The following F11R variants were observed in gnomAD, a reference collection of about 807,000 sequenced individuals.
F11R encodes the protein F11 receptor, also known as junctional adhesion molecule A.
Under a neutral mutation model 39.3 loss-of-function variants are expected in F11R, and 27 were observed. That is an observed-to-expected ratio of 0.69 (90% CI 0.51 to 0.95). The LOEUF is 0.95. F11R is among the 40% of genes least tolerant of loss of function. F11R has a pLI of 0.00. For missense variants in F11R, 335 were observed against 372.7 expected (o/e 0.90, Z 0.83); for synonymous variants, 131 against 144.9 (o/e 0.90, Z 0.69).
At chr1:161,006,509 C>T (rs1648827047) in intron 1 of F11R, among the ~76,000 whole-genome samples, 1 of 152,214 alleles carries the variant, frequency 6.6e-6, no homozygotes, top group African/African-American at 2.4e-5. Context: ...GTTGAGTCCT[C>T]TCAGATCATC....
intron 1 of F11R, among the ~76,000 whole-genome samples, chr1:161,016,454 G>A (rs1385180901): frequency 4.6e-5 from 7 of 150,956 alleles, no homozygotes; most frequent in Non-Finnish European, 7.4e-5. Context: ...CCAGCCTGGC[G>A]ACAGAGAGAG....
chr1:161,001,846 T>C (rs1648510651), intron 1 of F11R, among the ~76,000 whole-genome samples: 1 of 152,214 alleles, frequency 6.6e-6, no homozygotes. Flanking sequence ...AAAAGTGTTT[T>C]CGTGTACATT....
At chr1:161,016,742 A>T (rs1649485995) in intron 1 of F11R, among the ~76,000 whole-genome samples, 3 of 152,122 alleles carry the variant, frequency 2.0e-5, no homozygotes, top group South Asian at 4.1e-4. Flanking sequence ...AGTTCCAGGT[A>T]GAACTAGGAA....
chr1:161,001,864 G>C (rs533644427), intron 1 of F11R, among the ~76,000 whole-genome samples: 2 of 152,160 alleles, frequency 1.3e-5, no homozygotes, highest in South Asian at 4.1e-4. Context: ...ATTATGACAC[G>C]TTGCATCATT....
chr1:160,999,833 C>G, intron 6 of F11R, 43 bp downstream of exon 6: 1 of 1,609,408 alleles, frequency 6.2e-7, no homozygotes, highest in Non-Finnish European at 8.5e-7. Context: ...AAAAGCAGAC[C>G]CCAATCCCCA....
At position 160,997,610 on chromosome 1, in the gene F11R, A is replaced by C. The variant is rs1013719624; in HGVS notation, c.*1261T>G. The C allele has an allele frequency of 6.5e-6, 1 of 152,812 alleles. No homozygotes were observed. The highest frequency in any genetic ancestry group is 1.5e-5 in the Non-Finnish European group (1 of 68,056). 9.5% of individuals were successfully genotyped at this position (152,812 alleles called of 1,614,324 possible). On this transcript the variant is annotated 3_prime_UTR_variant, in exon 10 of 10. Transcript: ENST00000368026. ...AACCAGCCCCAGGTTGCTGGGAAGC[A>C]AGGCTTTGAGGCATTTTCCTGTTGT...
intron 1 of F11R, among the ~76,000 whole-genome samples, chr1:161,014,309 CGT>C (rs1460494791): frequency 6.6e-6 from 1 of 152,106 alleles, no homozygotes; most frequent in African/African-American, 2.4e-5. Flanking sequence ...GTGGTGGAAA[CGT>C]GTGTTGCCCA....
chr1:161,011,716 C>T (rs1011399184), intron 1 of F11R, among the ~76,000 whole-genome samples: 2 of 142,940 alleles, frequency 1.4e-5, no homozygotes, highest in African/African-American at 2.6e-5. Context: ...GGTGACAGAG[C>T]GAGATTCCAC....
chr1:161,000,465 C>T (rs1648415055), intron 4 of F11R, 117 bp from the exon 5 acceptor site: 5 of 1,399,996 alleles, frequency 3.6e-6, no homozygotes, highest in Admixed American at 3.6e-5. Flanking sequence ...CTCACCATGC[C>T]CCTGGCTGCC....
chr1:160,996,769 A>C lies in F11R; in HGVS notation c.*2102T>G, dbSNP rs532728710. The C allele has an allele frequency of 2.7e-4, 41 of 152,428 alleles. No individual in the cohort carries two copies. The highest frequency in any genetic ancestry group is 8.4e-4 in the African/African-American group (35 of 41,584). The allele number at this position is 152,428 out of a possible 1,614,324, so 9.4% of individuals were successfully genotyped here. A position where few individuals can be genotyped will look rare whatever the true frequency, so the allele number is the denominator to read the frequency against. Reference sequence around the variant, plus strand: ...TGACAGAGCGAGACTCCGTCTTTAAAAAAACAAAACAAAACAAAACAAAAA... The same window carrying C: ...TGACAGAGCGAGACTCCGTCTTTAACAAAACAAAACAAAACAAAACAAAAA... On this transcript the variant is annotated 3_prime_UTR_variant, in exon 10 of 10. Transcript: ENST00000368026.
chr1:161,009,932 ACT>A (rs1467194631), intron 1 of F11R, among the ~76,000 whole-genome samples: 1 of 150,538 alleles, frequency 6.6e-6, no homozygotes, highest in Non-Finnish European at 1.5e-5. Flanking sequence ...ACAGAGCAAG[ACT>A]CTGTCTCAAA....
intron 1 of F11R, among the ~76,000 whole-genome samples, chr1:161,012,082 C>G (rs1428940744): frequency 6.6e-6 from 1 of 152,048 alleles, no homozygotes; most frequent in Non-Finnish European, 1.5e-5. Context: ...TCCCCAGCTC[C>G]CAGCACTACA....
intron 1 of F11R, among the ~76,000 whole-genome samples, chr1:161,007,912 A>G (rs17388108): frequency 0.22 from 33,916 of 151,940 alleles, 4,544 homozygotes; most frequent in Non-Finnish European, 0.29. Flanking sequence ...ACTGAATCCA[A>G]TCTACATCAG....
At chr1:161,001,412 A>C (rs1348438657) in intron 1 of F11R, 59 bp from the exon 2 acceptor site, 1 of 1,468,666 alleles carries the variant, frequency 6.8e-7, no homozygotes, top group Admixed American at 1.7e-5. Context: ...GCCAGGAAGA[A>C]GGAGTCACAG....
rs533062460 is a variant in F11R, at chr1:161,006,781, C to G, written c.65-5428G>C. On this transcript the variant is annotated intron_variant, in intron 1 of 9. Transcript: ENST00000368026. ...GGCCAGCCTTATCACCATGTCCTTC[C>G]CATTCACCACAGGACACCTCAGCCA... Among the ~76,000 whole-genome samples the G allele has an allele frequency of 2.1e-3, 324 of 152,304 alleles. 2 individuals carry two copies. The highest frequency in any genetic ancestry group is 3.9e-3 in the Non-Finnish European group (263 of 68,020).
At chr1:161,004,128 A>G (rs536348543) in intron 1 of F11R, among the ~76,000 whole-genome samples, 58 of 151,766 alleles carry the variant, frequency 3.8e-4, no homozygotes, top group African/African-American at 1.4e-3. Context: ...CTTTTTTTTA[A>G]AGAGCTGGGT....
chr1:160,999,030 G>A lies in F11R; in HGVS notation c.864+13C>T, dbSNP rs1346813992. ...CCAGGTGGCCCACCCCTGCCCAGGG[G>A]AGGCATACTCACTTCACTTCGGGCA... On this transcript the variant is annotated intron_variant, in intron 9 of 9. Coordinates refer to ENST00000368026, the MANE Select transcript of F11R (RefSeq NM_016946.6). 3.1e-6 allele frequency: 5 copies of A among 1,614,086 alleles called. No homozygotes were observed. The Admixed American group carries it at 5.0e-5, about 16-fold the overall frequency.
At chr1:160,999,189 G>A in intron 8 of F11R, 98 bp from the exon 9 acceptor site, 1 of 1,548,910 alleles carries the variant, frequency 6.5e-7, no homozygotes, top group Non-Finnish European at 8.9e-7. Flanking sequence ...TGCTACAGAA[G>A]CACAGAGTGC....
In F11R at chr1:160,997,054, C is replaced by T. The variant is rs1062827; in HGVS notation, c.*1817G>A. The stretch of plus-strand genomic sequence containing the variant: ...AAAATCAAGCCAAGAGGGCCCTTTA[C>T]TTGTCCTCTTGCTAAGTTAATAAAT... On this transcript the variant is annotated 3_prime_UTR_variant, in exon 10 of 10. Coordinates refer to ENST00000368026, the MANE Select transcript of F11R (RefSeq NM_016946.6). The T allele has an allele frequency of 0.22, 34,121 of 152,218 alleles. 4,545 individuals carry two copies. The highest frequency in any genetic ancestry group is 0.29 in the Non-Finnish European group (19,633 of 67,944). 9.4% of individuals were successfully genotyped at this position (152,218 alleles called of 1,614,324 possible). A position where few individuals can be genotyped will look rare whatever the true frequency, so the allele number is the denominator to read the frequency against.
Sources: allele counts gnomAD v4.1 joint callset (sites outside exome capture counted in the v4.1 genomes callset), GRCh38; gene constraint gnomAD v4.1.1; transcripts MANE v1.5; gene names NCBI Gene and HGNC (gene_info 2026-07-23, HGNC 2026-07-21).